FAP: variants seen among roughly 807,000 people sequenced by gnomAD.
The protein encoded by FAP is prolyl endopeptidase FAP.
A neutral mutation model predicts 126.5 loss-of-function variants in FAP; 110 were observed. The ratio of observed to expected loss-of-function variants is 0.87; its 90% CI spans 0.74 to 1.02. FAP has a LOEUF of 1.02. Ranked by LOEUF, FAP falls within the 50% of genes least tolerant of loss-of-function variation. FAP has a pLI of 0.00. For missense variants in FAP, 919 were observed against 909.2 expected (o/e 1.01, Z -0.14); for synonymous variants, 334 against 297.3 (o/e 1.12, Z -1.27).
chr2:162,230,201 G>A (rs1404643621), intron 2 of FAP, among the ~76,000 whole-genome samples: 2 of 152,118 alleles, frequency 1.3e-5, no homozygotes, highest in African/African-American at 4.8e-5. Context: ...ATGACCACGT[G>A]TTCATAAACA....
intron 7 of FAP, among the ~76,000 whole-genome samples, chr2:162,219,428 A>C (rs1689292242): frequency 6.6e-6 from 1 of 152,180 alleles, no homozygotes; most frequent in Admixed American, 6.5e-5. Flanking sequence ...CATTAACCCC[A>C]AATAAATAAT....
At position 162,200,578 on chromosome 2, in the gene FAP, CT is replaced by C; in HGVS notation, c.1264del (p.Arg422GlufsTer22). The C allele has an allele frequency of 6.8e-7, 1 of 1,478,508 alleles. No homozygotes were observed. Among genetic ancestry groups the C allele is most frequent in the Non-Finnish European group, 9.3e-7 (1 of 1,078,572 alleles). The allele number at this position is 1,478,508 out of a possible 1,614,324, so 91.6% of individuals were successfully genotyped here. On this transcript the variant is annotated frameshift_variant, in exon 15 of 26. Coordinates refer to ENST00000188790, the MANE Select transcript of FAP (RefSeq NM_004460.5). LOFTEE classifies it high-confidence loss of function. ...SNEFEEYPGR[R>X]NIYRISIGSY... ...GGACATAAATTACCTGTAGATGTTT[CT>C]TCTTCCAGGGTATTCTTCAAATTCA...
chr2:162,211,602 T>C (rs1365013864), intron 11 of FAP, among the ~76,000 whole-genome samples: 1 of 152,146 alleles, frequency 6.6e-6, no homozygotes, highest in Non-Finnish European at 1.5e-5. Flanking sequence ...GGATTTTCTC[T>C]TACAGGGATA....
At chr2:162,217,320 T>C (rs1689192745) in intron 9 of FAP, among the ~76,000 whole-genome samples, 1 of 152,216 alleles carries the variant, frequency 6.6e-6, no homozygotes, top group South Asian at 2.1e-4. Flanking sequence ...GTACTTTGAT[T>C]CCATTTTTTC....
intron 2 of FAP, among the ~76,000 whole-genome samples, chr2:162,236,482 T>G (rs1481109739): frequency 1.3e-5 from 2 of 151,926 alleles, no homozygotes; most frequent in Non-Finnish European, 2.9e-5. Context: ...TTAAAATGAC[T>G]AATTCAATCT....
intron 12 of FAP, 102 bp downstream of exon 12, chr2:162,209,849 GA>G: frequency 2.0e-6 from 2 of 1,000,254 alleles, no homozygotes; most frequent in Non-Finnish European, 3.1e-6. Flanking sequence ...CTTTTTCTAT[GA>G]AAATAAGTAG....
At chr2:162,221,680 G>T (rs1218349253) in intron 6 of FAP, 2 of 456,622 alleles carry the variant, frequency 4.4e-6, no homozygotes, top group South Asian at 3.1e-5. Context: ...AAAAATCTCA[G>T]CGCATGTCTC....
At chr2:162,214,212 C>T (rs1689076780) in intron 10 of FAP, 139 bp from the exon 11 acceptor site, 1 of 618,596 alleles carries the variant, frequency 1.6e-6, no homozygotes, top group Admixed American at 3.8e-5. Flanking sequence ...CAAAACATTC[C>T]TTTCTCTGGA....
At position 162,227,266 on chromosome 2, in the gene FAP, T is replaced by C. The variant is rs372976928; in HGVS notation, c.92-645A>G. On this transcript the variant is annotated intron_variant, in intron 2 of 25. Coordinates refer to ENST00000188790, the MANE Select transcript of FAP (RefSeq NM_004460.5). ...AGAAAACCCCTTGATCTATGCAAAA[T>C]ATCTTAGAAATTCCAAGAGTAGAGG... Among the ~76,000 whole-genome samples the C allele has an allele frequency of 1.1e-4, 17 of 152,262 alleles. No homozygotes were observed. The East Asian group carries it at 2.9e-3, about 26-fold the overall frequency.
At chr2:162,173,955 A>T (rs1687400054) in intron 22 of FAP, among the ~76,000 whole-genome samples, 168 bp from the exon 23 acceptor site, 1 of 152,162 alleles carries the variant, frequency 6.6e-6, no homozygotes, top group African/African-American at 2.4e-5. Context: ...AATATGTGTC[A>T]TCTCTGCAAT....
rs569756875 is a variant in FAP, at chr2:162,218,061, C to T, written c.687G>A (p.Thr229=). ...AGGAATAGGCAATAACTGGTATATC[C>T]GTATCATTAAATTCCGCATATGCCA... ...KFLAYAEFND[T]DIPVIAYSYY... Residue 229 remains threonine (T), a synonymous_variant, in exon 9 of 26, where the codon ACG becomes ACA. Coordinates refer to ENST00000188790, the MANE Select transcript of FAP (RefSeq NM_004460.5). 4.2e-5 allele frequency: 67 copies of T among 1,604,692 alleles called. No individual in the cohort carries two copies. The highest frequency in any genetic ancestry group is 1.2e-4 in the Admixed American group (7 of 59,318).
chr2:162,203,508 A>G (rs1559776213), intron 12 of FAP, among the ~76,000 whole-genome samples: 1 of 152,256 alleles, frequency 6.6e-6, no homozygotes, highest in Non-Finnish European at 1.5e-5. Flanking sequence ...GTATTTGACC[A>G]AAGTCTGATG....
Position 162,185,886 on chromosome 2 carries a change from T to C in FAP, c.1814+2283A>G, listed in dbSNP as rs185563720. Among the ~76,000 whole-genome samples the C allele has an allele frequency of 1.1e-3, 173 of 152,284 alleles. 1 individual carries two copies. Among genetic ancestry groups the C allele is most frequent in the African/African-American group, 4.1e-3 (170 of 41,584 alleles). On this transcript the variant is annotated intron_variant, in intron 20 of 25. Coordinates refer to ENST00000188790, the MANE Select transcript of FAP (RefSeq NM_004460.5). ...TGAATCATCCCTAGGATTATTATTC[T>C]GAGTCTATCCTATTTAGCTTTTGTT... is the stretch of plus-strand genomic sequence containing the variant.
intron 15 of FAP, 100 bp downstream of exon 15, chr2:162,200,466 G>A (rs1397672725): frequency 1.5e-6 from 1 of 662,864 alleles, no homozygotes; most frequent in Non-Finnish European, 2.6e-6. Context: ...TTTTTATTAT[G>A]TGCCATACTT....
chr2:162,220,215 A>C (rs1689332549), intron 6 of FAP, among the ~76,000 whole-genome samples: 1 of 152,214 alleles, frequency 6.6e-6, no homozygotes, highest in South Asian at 2.1e-4. Flanking sequence ...AGTGGAGAAG[A>C]TCTCTAGAAA....
chr2:162,240,531 T>G (rs78124606), intron 2 of FAP, among the ~76,000 whole-genome samples: 9 of 152,228 alleles, frequency 5.9e-5, no homozygotes, highest in Non-Finnish European at 1.0e-4. Flanking sequence ...GAGGGAATTC[T>G]AGACTGCTGC....
Position 162,194,714 on chromosome 2 carries a change from T to C in FAP, c.1437A>G (p.Gly479=), listed in dbSNP as rs1276865411. Residue 479 remains glycine (G), a synonymous_variant, in exon 17 of 26, where the codon GGA becomes GGG. Transcript: ENST00000188790. ...AAGAGAGAGTACCTTGATCAGTGCGTCCATCATGAAGGGTGGAAATGGGGA... is the reference window on the plus strand; with the variant it reads ...AAGAGAGAGTACCTTGATCAGTGCGCCCATCATGAAGGGTGGAAATGGGGA... The part of the protein sequence containing the change: ...PGIPISTLHD[G]RTDQEIKILE... 2 of 1,613,606 alleles carry C rather than the reference T, an allele frequency of 1.2e-6. No homozygotes were observed. Among genetic ancestry groups the C allele is most frequent in the South Asian group, 2.2e-5 (2 of 91,068 alleles).
chr2:162,227,580 C>A (rs1245798739), intron 2 of FAP, among the ~76,000 whole-genome samples: 1 of 152,136 alleles, frequency 6.6e-6, no homozygotes, highest in Admixed American at 6.5e-5. Context: ...ATTTATGAAT[C>A]TGGTATTTGC....
chr2:162,194,499 C>G (rs1163405213), intron 17 of FAP, among the ~76,000 whole-genome samples: 2 of 152,120 alleles, frequency 1.3e-5, no homozygotes, highest in Non-Finnish European at 2.9e-5. Context: ...CAGGTTCTCA[C>G]TGCAAAGAAT....
Sources: allele counts gnomAD v4.1 joint callset (sites outside exome capture counted in the v4.1 genomes callset), GRCh38; gene constraint gnomAD v4.1.1; transcripts MANE v1.5; gene names NCBI Gene and HGNC (gene_info 2026-07-23, HGNC 2026-07-21).